The following P2RY12 variants were observed in gnomAD, a reference collection of about 807,000 sequenced individuals.
P2RY12 encodes the protein purinergic receptor P2Y12.
Under a neutral mutation model 4.5 loss-of-function variants are expected in P2RY12, and 3 were observed. That is an observed-to-expected ratio of 0.67 (90% confidence interval 0.31 to 1.74). The LOEUF (loss-of-function observed/expected upper bound fraction) is 1.74, where lower values mean the gene tolerates loss of function less well. P2RY12 is among the 40% of genes most tolerant of loss of function. P2RY12 has a pLI of 0.09. For missense variants in P2RY12, 356 were observed against 407.8 expected (o/e 0.87, Z 1.09); for synonymous variants, 148 against 154.1 (o/e 0.96, Z 0.29).
chr3:151,377,472 T>G (rs769389781), intron 1 of P2RY12, among the ~76,000 whole-genome samples: 10 of 152,196 alleles, frequency 6.6e-5, no homozygotes, highest in Non-Finnish European at 1.0e-4. Flanking sequence ...TGGGAAACGC[T>G]TTTTCCACCA....
In P2RY12 at chr3:151,356,808, T is replaced by C. The variant is rs62283055; in HGVS notation, c.-179-16048A>G. On this transcript the variant is annotated intron_variant, in intron 1 of 2. Coordinates refer to ENST00000302632, the MANE Select transcript of P2RY12 (RefSeq NM_022788.5). ...ATTTGAGTTCATTATTTCCTTCTGC[T>C]ATTAGCAAACAGAAATAAGACTTGG... Among the ~76,000 whole-genome samples the C allele has an allele frequency of 6.1e-3, 922 of 152,372 alleles. 30 individuals carry two copies. In the East Asian group the frequency reaches 0.091, roughly 15 times the overall value.
At chr3:151,375,029 T>C (rs1756656964) in intron 1 of P2RY12, among the ~76,000 whole-genome samples, 1 of 152,264 alleles carries the variant, frequency 6.6e-6, no homozygotes, top group South Asian at 2.1e-4. Flanking sequence ...AGGCATGTTA[T>C]AACTATGGTA....
At chr3:151,349,996 GGATATGAAATGCAAC>G (rs1172074654) in intron 1 of P2RY12, 1 of 1,509,530 alleles carries the variant, frequency 6.6e-7, no homozygotes, top group African/African-American at 1.4e-5. Flanking sequence ...TGCATTTCAG[GGATATGAAATGCAAC>G]CCCACCCCTG....
chr3:151,340,469 T>A (rs1751670873), intron 2 of P2RY12, 127 bp downstream of exon 2: 1 of 152,640 alleles, frequency 6.6e-6, no homozygotes. Context: ...ATAATTTTTA[T>A]TCCAAATACA....
At chr3:151,358,516 A>G (rs2150066275) in intron 1 of P2RY12, among the ~76,000 whole-genome samples, 1 of 152,264 alleles carries the variant, frequency 6.6e-6, no homozygotes, top group South Asian at 2.1e-4. Flanking sequence ...TAGTATATTG[A>G]AACCCATTAG....
rs773458825 is a variant in P2RY12, at chr3:151,338,128, T to G, written c.718A>C (p.Ile240Leu). ...CAAATAAAGAATACAGCAATGATAA[T>G]GAAAACTTTGACGTTCACCTTTTTC... The part of the protein sequence containing the change: ...PRKKVNVKVF[I>L]IIAVFFICFV... The change falls in exon 3 of 3, where the codon ATT (isoleucine) becomes CTT (leucine). Residue 240 changes from isoleucine to leucine, a missense_variant. Coordinates refer to ENST00000302632, the MANE Select transcript of P2RY12 (RefSeq NM_022788.5). 1 of 1,614,074 alleles carries G rather than the reference T, an allele frequency of 6.2e-7. No homozygotes were observed. The highest frequency in any genetic ancestry group is 8.5e-7 in the Non-Finnish European group (1 of 1,180,006).
chr3:151,367,745 C>A (rs1469827825), intron 1 of P2RY12: 1 of 1,609,872 alleles, frequency 6.2e-7, no homozygotes, highest in East Asian at 2.2e-5. Flanking sequence ...GCATGTCGCA[C>A]TTCCCTCTCT....
intron 1 of P2RY12, among the ~76,000 whole-genome samples, chr3:151,359,815 CA>C (rs1234294178): frequency 1.3e-5 from 2 of 152,098 alleles, no homozygotes; most frequent in Admixed American, 6.6e-5. Flanking sequence ...GAATGGACCA[CA>C]AGTGTTTACA....
chr3:151,368,172 G>A, intron 1 of P2RY12: 2 of 1,614,082 alleles, frequency 1.2e-6, no homozygotes, highest in Non-Finnish European at 1.7e-6. Context: ...CGGACGCCGA[G>A]CCTGGGGCGA....
Position 151,338,169 on chromosome 3 carries a change from A to G in P2RY12, c.677T>C (p.Val226Ala). The G allele has an allele frequency of 6.2e-7, 1 of 1,614,084 alleles. No individual in the cohort carries two copies. The highest frequency in any genetic ancestry group is 8.5e-7 in the Non-Finnish European group (1 of 1,179,978). The part of the protein sequence containing the change: ...LYRSYVRTRG[V>A]GKVPRKKVNV... ...CACCTTTTTCCTGGGGACTTTACCT[A>G]CACCCCTCGTTCTTACGTATGACCG... is the stretch of plus-strand genomic sequence containing the variant. Residue 226 changes from valine (V) to alanine (A), a missense_variant, in exon 3 of 3, where the codon GTA becomes GCA. Physicochemically the swap from Val to Ala is moderately conservative, Grantham distance 64. Transcript: ENST00000302632.
At chr3:151,357,297 G>A in intron 1 of P2RY12, 1 of 1,613,874 alleles carries the variant, frequency 6.2e-7, no homozygotes, top group South Asian at 1.1e-5. Flanking sequence ...AGGACTGTGT[G>A]TCTGCATCGT....
chr3:151,363,649 G>T (rs1417631708), intron 1 of P2RY12, among the ~76,000 whole-genome samples: 16 of 152,192 alleles, frequency 1.1e-4, no homozygotes, highest in African/African-American at 3.6e-4. Flanking sequence ...CAGAAAGAGA[G>T]TGTAGAAGAT....
At chr3:151,357,392 G>A (rs1754060355) in intron 1 of P2RY12, 1 of 1,545,364 alleles carries the variant, frequency 6.5e-7, no homozygotes, top group Admixed American at 2.1e-5. Flanking sequence ...TATATAGCAT[G>A]TCATTGTTGT....
At chr3:151,357,528 A>T in intron 1 of P2RY12, 1 of 638,572 alleles carries the variant, frequency 1.6e-6, no homozygotes, top group East Asian at 2.9e-5. Context: ...ACATCGATCA[A>T]AAAGGTCTAA....
chr3:151,376,128 C>T (rs778869212), intron 1 of P2RY12: 8 of 1,610,988 alleles, frequency 5.0e-6, no homozygotes, highest in Non-Finnish European at 5.9e-6. Context: ...ACAGAAATTA[C>T]TGCAGCTTAT....
intron 1 of P2RY12, among the ~76,000 whole-genome samples, chr3:151,346,687 G>T (rs917274926): frequency 3.3e-5 from 5 of 152,020 alleles, no homozygotes; most frequent in Non-Finnish European, 7.4e-5. Context: ...ACCATTTGCT[G>T]GCTTATTTCT....
intron 1 of P2RY12, among the ~76,000 whole-genome samples, chr3:151,352,853 GA>G (rs1303778574): frequency 1.3e-5 from 2 of 151,892 alleles, no homozygotes; most frequent in African/African-American, 4.8e-5. Context: ...AGGACTTAAA[GA>G]TTTTTAAAAA....
intron 1 of P2RY12, among the ~76,000 whole-genome samples, chr3:151,352,854 A>T (rs925661265): frequency 6.6e-6 from 1 of 152,176 alleles, no homozygotes; most frequent in South Asian, 2.1e-4. Flanking sequence ...GGACTTAAAG[A>T]TTTTTAAAAA....
rs1711573681 is a variant in P2RY12 at position 151,378,243 on chromosome 3, C to T, written c.-180+6449G>A. 1.1e-5 allele frequency: 15 copies of T among 1,422,158 alleles called. No homozygotes were observed. In the South Asian group the frequency reaches 1.8e-4, roughly 17 times the overall value. The allele number at this position is 1,422,158 out of a possible 1,614,324, so 88.1% of individuals were successfully genotyped here. A position where few individuals can be genotyped will look rare whatever the true frequency, so the allele number is the denominator to read the frequency against. On this transcript the variant is annotated intron_variant, in intron 1 of 2. Transcript: ENST00000302632. ...TTGAGAAAGTCTCACTTCCTGTAAA[C>T]CTGTGTGGTCACTGTACCCACAGTC...
Sources: gnomAD v4.1 joint callset for allele counts (sites outside exome capture counted in the v4.1 genomes callset) on GRCh38, gnomAD v4.1.1 for gene constraint, MANE v1.5 for transcripts, NCBI Gene and HGNC (gene_info 2026-07-23, HGNC 2026-07-21) for gene names.